The following C2orf81 variants were observed in gnomAD, a reference collection of about 807,000 sequenced individuals.
The protein encoded by C2orf81 is chromosome 2 open reading frame 81, also known as uncharacterized protein C2orf81.
C2orf81 carries 5 observed loss-of-function variants against 7.9 expected under a neutral mutation model. The ratio of observed to expected loss-of-function variants is 0.63; its 90% confidence interval spans 0.33 to 1.33. The LOEUF is 1.33. C2orf81 is among the 40% of genes most tolerant of loss of function. The pLI is 0.05. For missense variants in C2orf81, 781 were observed against 830.4 expected, an observed-to-expected ratio of 0.94 and a Z score of 0.73; for synonymous variants, 346 against 367.4, an observed-to-expected ratio of 0.94 and a Z score of 0.66.
rs769887169 is a variant in C2orf81, at chr2:74,415,312, C to T, written c.865G>A (p.Gly289Arg). The T allele has an allele frequency of 1.9e-6, 3 of 1,548,430 alleles. No individual in the cohort carries two copies. The South Asian group carries it at 3.6e-5, about 18-fold the overall frequency. Reference sequence around the variant, plus strand: ...TGGAAGCCGAGGGGGTGTCCCCTCCCAGTTGAGGCCTGGGGGCTGGCTACC... The same window carrying T: ...TGGAAGCCGAGGGGGTGTCCCCTCCTAGTTGAGGCCTGGGGGCTGGCTACC... ...YLVASPQASTGRGHPLGFHLS... is the reference protein window; with the variant it reads ...YLVASPQASTRRGHPLGFHLS... The change falls in exon 3 of 3, where the codon GGG becomes AGG. Residue 289 changes from glycine to arginine, a missense_variant. Coordinates refer to ENST00000684111, the MANE Select transcript of C2orf81 (RefSeq NM_001316764.3). This position sits in a 1 kb window ranked among gnomAD's most constrained non-coding sequence, Gnocchi z 5.5.
chr2:74,416,233 C>T lies in C2orf81; in HGVS notation c.27G>A (p.Glu9=), dbSNP rs761137200. ...TCACCCCGCGGTCTCGGACCTGCCT[C>T]TCCTGCCTCTGTGAGAACAAAACAT... The part of the protein sequence containing the change: MAHEGSRQ[E]RQVRDRGVTR... The change falls in exon 2 of 3, where the codon GAG becomes GAA. Residue 9 remains glutamate (E), a synonymous_variant. Transcript: ENST00000684111. The T allele has an allele frequency of 7.3e-7, 1 of 1,372,712 alleles. No homozygotes were observed. Among genetic ancestry groups the T allele is most frequent in the Non-Finnish European group, 9.6e-7 (1 of 1,038,704 alleles). 85.0% of individuals were successfully genotyped at this position (1,372,712 alleles called of 1,614,324 possible). A position where few individuals can be genotyped will look rare whatever the true frequency, so the allele number is the denominator to read the frequency against.
intron 1 of C2orf81, chr2:74,418,612 GC>G: frequency 1.6e-6 from 1 of 607,158 alleles, no homozygotes; most frequent in Non-Finnish European, 3.0e-6. Context: ...CCTTCCTGGA[GC>G]CGCGCCAGCG....
intron 1 of C2orf81, 78 bp from the exon 2 acceptor site, chr2:74,416,319 C>G (rs1334455461): frequency 9.3e-7 from 1 of 1,079,042 alleles, no homozygotes; most frequent in South Asian, 1.5e-5. Context: ...TAGGAGGAAG[C>G]TTTCTCAAGT....
Position 74,415,238 on chromosome 2 carries a change from A to G in C2orf81, c.939T>C (p.Ala313=), listed in dbSNP as rs1269178680. 6.4e-7 allele frequency: 1 copy of G among 1,551,190 alleles called. No individual in the cohort carries two copies. The highest frequency in any genetic ancestry group is 8.7e-7 in the Non-Finnish European group (1 of 1,146,972). ...CTGACCTGAGTTCCAGCCGATCCCCAGCCGCGTCCAGTTGAGGCATGCAAC... is the reference window on the plus strand; with the variant it reads ...CTGACCTGAGTTCCAGCCGATCCCCGGCCGCGTCCAGTTGAGGCATGCAAC... ...LYCCMPQLDA[A]GDRLELRSEG... Residue 313 remains alanine (A), a synonymous_variant, in exon 3 of 3, where the codon GCT becomes GCC. Coordinates refer to ENST00000684111, the MANE Select transcript of C2orf81 (RefSeq NM_001316764.3). This position sits in a 1 kb window ranked among gnomAD's most constrained non-coding sequence, Gnocchi z 5.5.
Position 74,415,476 on chromosome 2 carries a change from G to A in C2orf81, c.701C>T (p.Ala234Val). 1 of 1,537,510 alleles carries A rather than the reference G, an allele frequency of 6.5e-7. No individual in the cohort carries two copies. The highest frequency in any genetic ancestry group is 8.8e-7 in the Non-Finnish European group (1 of 1,136,388). The change falls in exon 3 of 3, where the codon GCA (alanine) becomes GTA (valine). Residue 234 changes from alanine (A) to valine (V), a missense_variant. Coordinates refer to ENST00000684111, the MANE Select transcript of C2orf81 (RefSeq NM_001316764.3). The surrounding 1 kb of genome is among the most constrained non-coding windows in gnomAD (Gnocchi z 5.5). ...PPPTSELFQE[A>V]GPGGPVEEAD... is the part of the protein sequence containing the mutation. ...TTCCTCTACAGGACCTCCGGGCCCT[G>A]CCTCCTGAAACAGCTCTGATGTGGG...
At chr2:74,418,320 C>T (rs72905466) in intron 1 of C2orf81, 3 of 1,606,006 alleles carry the variant, frequency 1.9e-6, no homozygotes, top group Non-Finnish European at 2.6e-6. Flanking sequence ...GACTCCCTAC[C>T]AGCGCTGTCC....
chr2:74,420,968 G>GA (rs1490739102), intron 1 of C2orf81, among the ~76,000 whole-genome samples: 1 of 151,884 alleles, frequency 6.6e-6, no homozygotes, highest in Non-Finnish European at 1.5e-5. Context: ...TTTTAGTCGA[G>GA]ACGGGGTCTC....
chr2:74,418,700 ATT>A (rs199708145), intron 1 of C2orf81, among the ~76,000 whole-genome samples: 1 of 146,064 alleles, frequency 6.8e-6, no homozygotes, highest in Non-Finnish European at 1.5e-5. Context: ...AGTTCTCTAC[ATT>A]TTTTTTTTTT....
At chr2:74,420,392 C>G (rs932215990) in intron 1 of C2orf81, among the ~76,000 whole-genome samples, 1 of 152,180 alleles carries the variant, frequency 6.6e-6, no homozygotes, top group South Asian at 2.1e-4. Context: ...TCTCCCTGAA[C>G]CTGGTTCCTT....
intron 1 of C2orf81, among the ~76,000 whole-genome samples, chr2:74,419,984 A>G (rs1157633623): frequency 6.6e-6 from 1 of 152,230 alleles, no homozygotes; most frequent in Non-Finnish European, 1.5e-5. Flanking sequence ...CATGTTGGCC[A>G]GACTGGTCTT....
In C2orf81 at chr2:74,417,621, A is replaced by AC. The variant is rs141046493; in HGVS notation, c.19-1381dup. ...GGCTGGGGGAATCCTGGGGGCCAGC[A>AC]CCCCCCTCCATTGGCCACACCTGCT... On this transcript the variant is annotated intron_variant, in intron 1 of 2. Coordinates refer to ENST00000684111, the MANE Select transcript of C2orf81 (RefSeq NM_001316764.3). 9.2e-3 allele frequency: 9,188 copies of AC among 994,040 alleles called. 56 individuals carry two copies. Among genetic ancestry groups the AC allele is most frequent in the Non-Finnish European group, 0.011 (8,186 of 743,212 alleles). 61.6% of individuals were successfully genotyped at this position (994,040 alleles called of 1,614,324 possible). A position where few individuals can be genotyped will look rare whatever the true frequency, so the allele number is the denominator to read the frequency against.
At position 74,415,228 on chromosome 2, in the gene C2orf81, G is replaced by A. The variant is rs1327622776; in HGVS notation, c.949C>T (p.Leu317=). The A allele has an allele frequency of 1.3e-6, 2 of 1,551,202 alleles. No individual in the cohort carries two copies. The highest frequency in any genetic ancestry group is 1.7e-6 in the Non-Finnish European group (2 of 1,146,984). ...GGCACCCCCTCTGACCTGAGTTCCA[G>A]CCGATCCCCAGCCGCGTCCAGTTGA... ...MPQLDAAGDR[L]ELRSEGVPCI... Residue 317 remains leucine (L), a synonymous_variant, in exon 3 of 3, where the codon CTG becomes TTG. Transcript: ENST00000684111. This position sits in a 1 kb window ranked among gnomAD's most constrained non-coding sequence, Gnocchi z 5.5.
Position 74,416,211 on chromosome 2 carries a change from C to T in C2orf81, c.49G>A (p.Val17Met). ...RQERQVRDRG[V>M]TRSKAEKVRP... Reference sequence around the variant, plus strand: ...ACTTTTTCCGCCTTGGACCGGGTCACCCCGCGGTCTCGGACCTGCCTCTCC... The same window carrying T: ...ACTTTTTCCGCCTTGGACCGGGTCATCCCGCGGTCTCGGACCTGCCTCTCC... The change falls in exon 2 of 3, where the codon GTG becomes ATG. Residue 17 changes from valine to methionine, a missense_variant. Coordinates refer to ENST00000684111, the MANE Select transcript of C2orf81 (RefSeq NM_001316764.3). The T allele has an allele frequency of 7.1e-7, 1 of 1,412,182 alleles. No individual in the cohort carries two copies. Among genetic ancestry groups the T allele is most frequent in the Non-Finnish European group, 9.4e-7 (1 of 1,062,254 alleles). The allele number at this position is 1,412,182 out of a possible 1,614,324, so 87.5% of individuals were successfully genotyped here.
At chr2:74,419,365 T>C (rs1383072530) in intron 1 of C2orf81, among the ~76,000 whole-genome samples, 1 of 151,882 alleles carries the variant, frequency 6.6e-6, no homozygotes, top group Non-Finnish European at 1.5e-5. Flanking sequence ...GAAAAACCAT[T>C]TAAGATCCCA....
chr2:74,417,354 T>C, intron 1 of C2orf81: 1 of 1,306,930 alleles, frequency 7.7e-7, no homozygotes, highest in Non-Finnish European at 1.0e-6. Flanking sequence ...CCACCTCAGG[T>C]AGCTGCCACA....
In C2orf81 at chr2:74,414,544, T is replaced by C. The variant is rs1676383751; in HGVS notation, c.1633A>G (p.Thr545Ala). ...GTGGCTTCAAGGACCGGGGGTGTGG[T>C]TCGAGGCCATCTGCCAGGATCCTGG... Reference protein sequence around the residue: ...EGQDPGRWPRTTPPVLEATSQ... With the variant: ...EGQDPGRWPRATPPVLEATSQ... Residue 545 changes from threonine to alanine, a missense_variant, in exon 3 of 3, where the codon ACC becomes GCC. Physicochemically the swap from Thr to Ala is moderately conservative, Grantham distance 58 (BLOSUM62 0). Transcript: ENST00000684111. This position sits in a 1 kb window ranked among gnomAD's most constrained non-coding sequence, Gnocchi z 5.3. 1 of 1,541,312 alleles carries C rather than the reference T, an allele frequency of 6.5e-7. No individual in the cohort carries two copies. Among genetic ancestry groups the C allele is most frequent in the Admixed American group, 2.0e-5 (1 of 50,534 alleles).
At position 74,415,081 on chromosome 2, in the gene C2orf81, TG is replaced by T; in HGVS notation, c.1095del (p.His365GlnfsTer9). ...HSDVRLSAHH[H>X]RMRRKAAVKR... ...TTCACGGCCGCCTTGCGGCGCATCCTGTGGTGGTGGGCGCTCAGCCGCACAT... is the reference window on the plus strand; with the variant it reads ...TTCACGGCCGCCTTGCGGCGCATCCTTGGTGGTGGGCGCTCAGCCGCACAT... On this transcript the variant is annotated frameshift_variant, in exon 3 of 3. Transcript: ENST00000684111. LOFTEE classifies it low-confidence loss of function (END_TRUNC). This position sits in a 1 kb window ranked among gnomAD's most constrained non-coding sequence, Gnocchi z 5.5. 7.8e-6 allele frequency: 12 copies of T among 1,547,838 alleles called. No individual in the cohort carries two copies. Among genetic ancestry groups the T allele is most frequent in the Non-Finnish European group, 1.0e-5 (12 of 1,145,600 alleles).
Position 74,415,919 on chromosome 2 carries a change from T to A in C2orf81, c.258A>T (p.Pro86=). The change falls in exon 3 of 3, where the codon CCA becomes CCT. Residue 86 remains proline (P), a synonymous_variant. Transcript: ENST00000684111. The surrounding 1 kb of genome is among the most constrained non-coding windows in gnomAD (Gnocchi z 5.5). ...FKVYLTQQCI[P]FTISQAREAM... is the part of the protein sequence containing the mutation. ...CCTCCCGGGCCTGGCTGATGGTGAA[T>A]GGAATGCACTGCGGAGGCGAGAGAG... is the stretch of plus-strand genomic sequence containing the variant. The A allele has an allele frequency of 6.5e-7, 1 of 1,547,078 alleles. No individual in the cohort carries two copies. The highest frequency in any genetic ancestry group is 8.7e-7 in the Non-Finnish European group (1 of 1,143,470).
At chr2:74,416,360 C>T (rs370004462) in intron 1 of C2orf81, 119 bp from the exon 2 acceptor site, 1 of 551,702 alleles carries the variant, frequency 1.8e-6, no homozygotes, top group Admixed American at 3.5e-5. Flanking sequence ...GGCCAATTGA[C>T]GAAGAGCCTA....
Sources: allele counts gnomAD v4.1 joint callset (sites outside exome capture counted in the v4.1 genomes callset), GRCh38; gene constraint gnomAD v4.1.1; non-coding constraint Gnocchi (gnomAD v3.1); transcripts MANE v1.5; gene names NCBI Gene and HGNC (gene_info 2026-07-23, HGNC 2026-07-21).